BBS5: variants seen among roughly 807,000 people sequenced by gnomAD.
BBS5 encodes BBSome complex member BBS5.
A neutral mutation model predicts 50.2 loss-of-function variants in BBS5; 39 were observed. The observed-to-expected ratio is 0.78, with a 90% confidence interval of 0.60 to 1.01. The LOEUF is 1.01. BBS5 is among the 50% of genes least tolerant of loss of function. BBS5 has a pLI of 0.00. For synonymous variants in BBS5, 134 were observed against 133.1 expected (o/e 1.01, Z -0.05); for missense variants, 356 against 401.5 (o/e 0.89, Z 0.97).
In BBS5 at chr2:169,500,317, G is replaced by A. The variant is rs142930165; in HGVS notation, c.816+697G>A. Among the ~76,000 whole-genome samples the A allele has an allele frequency of 6.6e-3, 1,005 of 152,278 alleles. 7 individuals are homozygous for A. Among genetic ancestry groups the A allele is most frequent in the South Asian group, 0.029 (139 of 4,826 alleles). On this transcript the variant is annotated intron_variant, in intron 9 of 11. Transcript: ENST00000295240. ...TCTATCACCAGTACCCTTGCTAGAG[G>A]CGCTAGCTCTGATGTACTTGCTGTC...
chr2:169,505,320 A>G lies in BBS5; in HGVS notation c.*738A>G. 1 of 369,428 alleles carries G rather than the reference A, an allele frequency of 2.7e-6. No individual in the cohort carries two copies. The highest frequency in any genetic ancestry group is 5.2e-6 in the Non-Finnish European group (1 of 193,844). The allele number at this position is 369,428 out of a possible 1,614,324, so 22.9% of individuals were successfully genotyped here. On this transcript the variant is annotated 3_prime_UTR_variant, in exon 12 of 12. Coordinates refer to ENST00000295240, the MANE Select transcript of BBS5 (RefSeq NM_152384.3). The stretch of plus-strand genomic sequence containing the variant: ...CCGCTCGCTACAACCTCCACCTCCC[A>G]GCTGCCTGCCTTGGCCTCCCGAAGT...
intron 7 of BBS5, among the ~76,000 whole-genome samples, chr2:169,495,488 C>A (rs1683676513): frequency 6.6e-6 from 1 of 152,052 alleles, no homozygotes; most frequent in Admixed American, 6.6e-5. Flanking sequence ...CAGTCTGTCA[C>A]TGCGGCAGTC....
chr2:169,496,895 G>C (rs181496393), intron 7 of BBS5, among the ~76,000 whole-genome samples: 3 of 152,012 alleles, frequency 2.0e-5, no homozygotes, highest in Non-Finnish European at 4.4e-5. Flanking sequence ...AAATAGAATA[G>C]AGGTTCTTTT....
intron 1 of BBS5, among the ~76,000 whole-genome samples, chr2:169,480,670 CTTTTTTTTT>C (rs577688589): frequency 6.8e-5 from 5 of 73,200 alleles, no homozygotes; most frequent in South Asian, 1.3e-3. Flanking sequence ...TTCTGTCATT[CTTTTTTTTT>C]TTTTTTTTTT....
Position 169,482,476 on chromosome 2 carries a change from C to A in BBS5, c.142+143C>A, listed in dbSNP as rs16823068. The A allele has an allele frequency of 0.095, 65,532 of 692,620 alleles. 4,004 individuals carry two copies. The highest frequency in any genetic ancestry group is 0.2 in the East Asian group (7,810 of 38,384). 42.9% of individuals were successfully genotyped at this position (692,620 alleles called of 1,614,324 possible). ...AGTTAAATTCACATAAGACTTTTCT[C>A]AGATTTAAACAGAAGACAGGATAGG... is the stretch of plus-strand genomic sequence containing the variant. On this transcript the variant is annotated intron_variant, in intron 2 of 11. Transcript: ENST00000295240.
chr2:169,504,403 G>A (rs1683863604), intron 11 of BBS5, 77 bp downstream of exon 11: 2 of 1,587,768 alleles, frequency 1.3e-6, no homozygotes, highest in African/African-American at 1.3e-5. Context: ...AAACTTATGT[G>A]AAACCTATTT....
At chr2:169,500,571 G>A (rs976599350) in intron 9 of BBS5, among the ~76,000 whole-genome samples, 1 of 152,106 alleles carries the variant, frequency 6.6e-6, no homozygotes, top group Non-Finnish European at 1.5e-5. Flanking sequence ...CTTTATAATC[G>A]GTGCCCCTGC....
chr2:169,494,721 T>G (rs575081321), intron 7 of BBS5, among the ~76,000 whole-genome samples: 36 of 152,306 alleles, frequency 2.4e-4, no homozygotes, highest in African/African-American at 8.4e-4. Flanking sequence ...TAATTTTGTT[T>G]TATATAAACT....
In BBS5 at chr2:169,505,299, T is replaced by TCGCTACAACCTCCACC. The variant is rs1280640682; in HGVS notation, c.*718_*733dup. Reference sequence around the variant, plus strand: ...TGGAGTGCAGTGGCGTGATCTCCGCTCGCTACAACCTCCACCTCCCAGCTG... The same window carrying TCGCTACAACCTCCACC: ...TGGAGTGCAGTGGCGTGATCTCCGCTCGCTACAACCTCCACCCGCTACAACCTCCACCTCCCAGCTG... On this transcript the variant is annotated 3_prime_UTR_variant, in exon 12 of 12. Coordinates refer to ENST00000295240, the MANE Select transcript of BBS5 (RefSeq NM_152384.3). 2 of 386,364 alleles carry TCGCTACAACCTCCACC rather than the reference T, an allele frequency of 5.2e-6. No homozygotes were observed. Among genetic ancestry groups the TCGCTACAACCTCCACC allele is most frequent in the Admixed American group, 7.4e-5 (2 of 27,194 alleles). The allele number at this position is 386,364 out of a possible 1,614,324, so 23.9% of individuals were successfully genotyped here. A position where few individuals can be genotyped will look rare whatever the true frequency, so the allele number is the denominator to read the frequency against.
Position 169,505,072 on chromosome 2 carries a change from A to T in BBS5, c.*490A>T. The T allele has an allele frequency of 7.5e-7, 1 of 1,329,130 alleles. No individual in the cohort carries two copies. Among genetic ancestry groups the T allele is most frequent in the Admixed American group, 1.7e-5 (1 of 58,824 alleles). The allele number at this position is 1,329,130 out of a possible 1,614,324, so 82.3% of individuals were successfully genotyped here. On this transcript the variant is annotated 3_prime_UTR_variant, in exon 12 of 12. Coordinates refer to ENST00000295240, the MANE Select transcript of BBS5 (RefSeq NM_152384.3). ...CCTCCCTGCCTGATTCTCCTGCCTC[A>T]GCCTGCCGAGTGCCTGCGATTACAG...
rs2105306137 is a variant in BBS5 at position 169,506,414 on chromosome 2, G to C, written c.*1832G>C. The C allele has an allele frequency of 5.6e-6, 1 of 179,016 alleles. No homozygotes were observed. The highest frequency in any genetic ancestry group is 1.7e-4 in the East Asian group (1 of 6,038). The allele number at this position is 179,016 out of a possible 1,614,324, so 11.1% of individuals were successfully genotyped here. ...ATCGGATGGTTGCCGTGTCTGTGTA[G>C]AAAGAAGTAGACATGGGAGACTTTT... On this transcript the variant is annotated 3_prime_UTR_variant, in exon 12 of 12. Transcript: ENST00000295240.
intron 2 of BBS5, among the ~76,000 whole-genome samples, chr2:169,484,081 T>G (rs532654684): frequency 6.6e-6 from 1 of 152,308 alleles, no homozygotes; most frequent in African/African-American, 2.4e-5. Context: ...GTGCCTGAAA[T>G]CCTACTATTA....
At position 169,489,851 on chromosome 2, in the gene BBS5, C is replaced by CTTTTTT. The variant is rs71003093; in HGVS notation, c.386+1773_386+1778dup. 2.7e-4 allele frequency among the ~76,000 whole-genome samples: 18 copies of CTTTTTT among 65,900 alleles called. 5 individuals carry two copies. The highest frequency in any genetic ancestry group is 7.5e-4 in the African/African-American group (9 of 12,066). 43.2% of individuals were successfully genotyped at this position (65,900 alleles called of 152,430 possible). A position where few individuals can be genotyped will look rare whatever the true frequency, so the allele number is the denominator to read the frequency against. Reference sequence around the variant, plus strand: ...TATTTTTTGGCTTCTCATAAATTTCCTTTTTTTTTTTTTTTTTTTTTTTTT... The same window carrying CTTTTTT: ...TATTTTTTGGCTTCTCATAAATTTCCTTTTTTTTTTTTTTTTTTTTTTTTTTTTTTT... On this transcript the variant is annotated intron_variant, in intron 5 of 11. Coordinates refer to ENST00000295240, the MANE Select transcript of BBS5 (RefSeq NM_152384.3).
At chr2:169,496,785 C>T (rs1683701314) in intron 7 of BBS5, among the ~76,000 whole-genome samples, 1 of 151,702 alleles carries the variant, frequency 6.6e-6, no homozygotes, top group South Asian at 2.1e-4. Context: ...AGGAGAATGG[C>T]GTGAACCTGG....
intron 9 of BBS5, among the ~76,000 whole-genome samples, chr2:169,501,666 T>A (rs922863003): frequency 8.5e-5 from 13 of 152,156 alleles, no homozygotes; most frequent in African/African-American, 3.1e-4. Flanking sequence ...TTGCTTGAGG[T>A]CAGGAGTTTG....
rs56293740 is a variant in BBS5, at chr2:169,503,248, G to C, written c.900+70G>C. ...CTCAGTCTTGTTTAATAAAATAATG[G>C]TGTGTGTGAAACACCATATAACTTG... On this transcript the variant is annotated intron_variant, in intron 10 of 11. Transcript: ENST00000295240. 152,123 of 1,257,166 alleles carry C rather than the reference G, an allele frequency of 0.12. 10,267 individuals are homozygous for C. Among genetic ancestry groups the C allele is most frequent in the Middle Eastern group, 0.16 (864 of 5,404 alleles). The allele number at this position is 1,257,166 out of a possible 1,614,324, so 77.9% of individuals were successfully genotyped here. A position where few individuals can be genotyped will look rare whatever the true frequency, so the allele number is the denominator to read the frequency against.
chr2:169,492,912 TAAG>T lies in BBS5; in HGVS notation c.429_431del (p.Arg143del), dbSNP rs1683625124. 2 of 1,612,726 alleles carry T rather than the reference TAAG, an allele frequency of 1.2e-6. No homozygotes were observed. The highest frequency in any genetic ancestry group is 1.3e-5 in the African/African-American group (1 of 75,010). On this transcript the variant is annotated inframe_deletion, in exon 6 of 12. Coordinates refer to ENST00000295240, the MANE Select transcript of BBS5 (RefSeq NM_152384.3). ...TCTAAAATGTATCGTGATTTTAAAT[TAAG>T]AAGTGCACTAATTCAGAACAAGCAA...
chr2:169,496,046 C>T (rs560325948), intron 7 of BBS5, among the ~76,000 whole-genome samples: 6 of 152,204 alleles, frequency 3.9e-5, no homozygotes, highest in Non-Finnish European at 8.8e-5. Flanking sequence ...CAAAGCCTTT[C>T]TTCTTTTTCT....
At chr2:169,493,108 T>G (rs895572033) in intron 6 of BBS5, 99 bp downstream of exon 6, 74 of 1,408,078 alleles carry the variant, frequency 5.3e-5, no homozygotes, top group Non-Finnish European at 1.4e-5. Flanking sequence ...ATTGTTAAAA[T>G]TAGCATTATA....
Sources: gnomAD v4.1 joint callset for allele counts (sites outside exome capture counted in the v4.1 genomes callset) on GRCh38, gnomAD v4.1.1 for gene constraint, MANE v1.5 for transcripts, NCBI Gene and HGNC (gene_info 2026-07-23, HGNC 2026-07-21) for gene names.